The following CLIC3 variants were observed in gnomAD, a reference collection of about 807,000 sequenced individuals.
CLIC3 encodes CLIC family member 3.
Under a neutral mutation model 19.9 loss-of-function variants are expected in CLIC3, and 29 were observed. The ratio of observed to expected loss-of-function variants is 1.46; its 90% CI spans 1.09 to 1.99. The LOEUF (loss-of-function observed/expected upper bound fraction) is 1.99, where lower values mean the gene tolerates loss of function less well. Ranked by LOEUF, CLIC3 falls within the 30% of genes most tolerant of loss-of-function variation. The pLI is 0.00. For missense variants in CLIC3, 365 were observed against 342.6 expected, an observed-to-expected ratio of 1.07 and a Z score of -0.52; for synonymous variants, 143 against 156.4, an observed-to-expected ratio of 0.91 and a Z score of 0.64.
rs749865066 is a variant in CLIC3 at position 136,995,037 on chromosome 9, C to T, written c.445G>A (p.Glu149Lys). Residue 149 changes from glutamate to lysine, a missense_variant, in exon 5 of 6, where the codon GAG (glutamate) becomes AAG (lysine). By Grantham distance (56) the Glu-to-Lys change is moderately conservative (BLOSUM62 1). Transcript: ENST00000494426. ...DSYLRAPLEH[E>K]LAGEPQLRES... ...CGCAGCTGCGGCTCCCCCGCCAGCT[C>T]GTGCTCCAGGGGCGCGCGCAGGTAG... 2.6e-6 allele frequency: 4 copies of T among 1,512,232 alleles called. No homozygotes were observed. Among genetic ancestry groups the T allele is most frequent in the Non-Finnish European group, 3.5e-6 (4 of 1,134,238 alleles). The allele number at this position is 1,512,232 out of a possible 1,614,324, so 93.7% of individuals were successfully genotyped here.
rs1212182729 is a variant in CLIC3 at position 136,995,112 on chromosome 9, G to T, written c.377-7C>A. ...AGCAGCTGCTGGTACAGGGCTAGGG[G>T]GCAGGCGGCGCGGTGAGGACCAGGC... On this transcript the variant is annotated splice_polypyrimidine_tract_variant and splice_region_variant and intron_variant, in intron 4 of 5. Coordinates refer to ENST00000494426, the MANE Select transcript of CLIC3 (RefSeq NM_004669.3). 1.0e-5 allele frequency: 16 copies of T among 1,561,602 alleles called. No homozygotes were observed. The highest frequency in any genetic ancestry group is 1.4e-5 in the Non-Finnish European group (16 of 1,153,834).
chr9:136,994,862 C>T (rs768481356), intron 5 of CLIC3, 23 bp from the exon 6 acceptor site: 7 of 1,514,356 alleles, frequency 4.6e-6, no homozygotes, highest in Non-Finnish European at 6.2e-6. Context: ...TCGCGGGGCG[C>T]GGTCAGGACC....
Position 136,995,312 on chromosome 9 carries a change from G to A in CLIC3, c.270-20C>T, listed in dbSNP as rs759115369. 13 of 1,608,772 alleles carry A rather than the reference G, an allele frequency of 8.1e-6. No individual in the cohort carries two copies. Among genetic ancestry groups the A allele is most frequent in the Admixed American group, 6.7e-5 (4 of 59,972 alleles). On this transcript the variant is annotated intron_variant, in intron 3 of 5. Coordinates refer to ENST00000494426, the MANE Select transcript of CLIC3 (RefSeq NM_004669.3). ...GGGAAGCTGCGGGATGAGGGGGTGG[G>A]ACTCCATTAGACTGGGGGCAGCCCC...
intron 1 of CLIC3, 57 bp from the exon 2 acceptor site, chr9:136,995,814 G>T: frequency 8.1e-7 from 1 of 1,231,518 alleles, no homozygotes; most frequent in Non-Finnish European, 1.1e-6. Context: ...CAGGCATCCT[G>T]CCGCCAGGCT....
rs560125561 is a variant in CLIC3 at position 136,996,501 on chromosome 9, C to T, written c.33+10G>A. The T allele has an allele frequency of 7.3e-5, 113 of 1,554,404 alleles. No homozygotes were observed. The highest frequency in any genetic ancestry group is 2.3e-4 in the Admixed American group (12 of 51,334). ...CAGACACCCTCCCCGCAGCTGAGTC[C>T]GCCCTGCACCTTGACAAACAGCTGG... is the stretch of plus-strand genomic sequence containing the variant. On this transcript the variant is annotated intron_variant, in intron 1 of 5. Transcript: ENST00000494426.
chr9:136,995,388 C>T (rs1394985360), intron 3 of CLIC3, 54 bp downstream of exon 3: 9 of 1,610,148 alleles, frequency 5.6e-6, no homozygotes, highest in African/African-American at 2.7e-5. Flanking sequence ...CTGTCTTGCG[C>T]GCGTCCTCCC....
Position 136,995,031 on chromosome 9 carries a change from C to T in CLIC3, c.451G>A (p.Ala151Thr), listed in dbSNP as rs2131410074. The part of the protein sequence containing the change: ...YLRAPLEHEL[A>T]GEPQLRESRR... Reference sequence around the variant, plus strand: ...GACTCGCGCAGCTGCGGCTCCCCCGCCAGCTCGTGCTCCAGGGGCGCGCGC... The same window carrying T: ...GACTCGCGCAGCTGCGGCTCCCCCGTCAGCTCGTGCTCCAGGGGCGCGCGC... The change falls in exon 5 of 6, where the codon GCG (alanine) becomes ACG (threonine). Residue 151 changes from alanine to threonine, a missense_variant. Physicochemically the swap from Ala to Thr is moderately conservative, Grantham distance 58. Coordinates refer to ENST00000494426, the MANE Select transcript of CLIC3 (RefSeq NM_004669.3). The T allele has an allele frequency of 6.6e-7, 1 of 1,510,110 alleles. No individual in the cohort carries two copies. Among genetic ancestry groups the T allele is most frequent in the African/African-American group, 1.4e-5 (1 of 70,740 alleles). The allele number at this position is 1,510,110 out of a possible 1,614,324, so 93.5% of individuals were successfully genotyped here.
chr9:136,995,337 C>T (rs780316097), intron 3 of CLIC3, 45 bp from the exon 4 acceptor site: 96 of 1,607,944 alleles, frequency 6.0e-5, no homozygotes, highest in Middle Eastern at 5.0e-4. Flanking sequence ...GGGGCAGCCC[C>T]GTCCCGGCCC....
intron 3 of CLIC3, 69 bp from the exon 4 acceptor site, chr9:136,995,361 C>A: frequency 6.2e-7 from 1 of 1,609,884 alleles, no homozygotes; most frequent in Non-Finnish European, 8.5e-7. Context: ...AGTACCCCCA[C>A]AGCGCCTTCC....
intron 1 of CLIC3, among the ~76,000 whole-genome samples, chr9:136,996,174 G>T (rs113315000): frequency 0.015 from 2,222 of 152,260 alleles, 57 homozygotes; most frequent in African/African-American, 0.051. Flanking sequence ...TGATGGGGCT[G>T]CCTGGCCCAG....
rs1830693546 is a variant in CLIC3 at position 136,995,666 on chromosome 9, G to T, written c.125C>A (p.Thr42Asn). 1 of 1,610,986 alleles carries T rather than the reference G, an allele frequency of 6.2e-7. No individual in the cohort carries two copies. The highest frequency in any genetic ancestry group is 1.1e-5 in the South Asian group (1 of 90,872). The change falls in exon 2 of 6, where the codon ACC (threonine) becomes AAC (asparagine). Residue 42 changes from threonine (T) to asparagine (N), a missense_variant. By Grantham distance (65) the Thr-to-Asn change is moderately conservative. Coordinates refer to ENST00000494426, the MANE Select transcript of CLIC3 (RefSeq NM_004669.3). ...GCCTCACCTGCGCGTGTCCACCGTG[G>T]TGAGGGTGAAAGGTACGCCCTTGAG... ...LLLKGVPFTL[T>N]TVDTRRSPDV...
chr9:136,994,614 C>T lies in CLIC3; in HGVS notation c.*67G>A. The T allele has an allele frequency of 6.6e-7, 1 of 1,518,368 alleles. No homozygotes were observed. 94.1% of individuals were successfully genotyped at this position (1,518,368 alleles called of 1,614,324 possible). On this transcript the variant is annotated 3_prime_UTR_variant, in exon 6 of 6. Coordinates refer to ENST00000494426, the MANE Select transcript of CLIC3 (RefSeq NM_004669.3). ...AGTGATCCCGAGACCTCTGGCCCTT[C>T]AGATGTCAGGACACCCTCACTCCCG...
chr9:136,994,773 C>T lies in CLIC3; in HGVS notation c.619G>A (p.Asp207Asn), dbSNP rs1564202830. ...AELRGVRRYL[D>N]SAMQEKEFKY... ...AACTCTTTCTCCTGCATCGCGCTGTCCAGGTAGCGGCGTACGCCGCGCAGC... is the reference window on the plus strand; with the variant it reads ...AACTCTTTCTCCTGCATCGCGCTGTTCAGGTAGCGGCGTACGCCGCGCAGC... Residue 207 changes from aspartate (D) to asparagine (N), a missense_variant, in exon 6 of 6, where the codon GAC (aspartate) becomes AAC (asparagine). Transcript: ENST00000494426. 1 of 1,600,456 alleles carries T rather than the reference C, an allele frequency of 6.2e-7. No individual in the cohort carries two copies. The highest frequency in any genetic ancestry group is 8.5e-7 in the Non-Finnish European group (1 of 1,174,308).
rs565889561 is a variant in CLIC3 at position 136,994,649 on chromosome 9, C to T, written c.*32G>A. 4 of 1,591,350 alleles carry T rather than the reference C, an allele frequency of 2.5e-6. No individual in the cohort carries two copies. In the African/African-American group the frequency reaches 4.0e-5, roughly 16 times the overall value. The stretch of plus-strand genomic sequence containing the variant: ...GACACCCTCACTCCCGACAAAGATG[C>T]CTTTATTGGGCGACAGACGCGGGGT... On this transcript the variant is annotated 3_prime_UTR_variant, in exon 6 of 6. Coordinates refer to ENST00000494426, the MANE Select transcript of CLIC3 (RefSeq NM_004669.3).
rs375039427 is a variant in CLIC3, at chr9:136,994,788, C to A, written c.604G>T (p.Val202Leu). 3.2e-4 allele frequency: 504 copies of A among 1,594,104 alleles called. No homozygotes were observed. The highest frequency in any genetic ancestry group is 4.1e-4 in the Non-Finnish European group (480 of 1,171,062). The stretch of plus-strand genomic sequence containing the variant: ...ATCGCGCTGTCCAGGTAGCGGCGTA[C>A]GCCGCGCAGCTCCGCGGGGATGGGC... ...QAPIPAELRG[V>L]RRYLDSAMQE... Residue 202 changes from valine (V) to leucine (L), a missense_variant, in exon 6 of 6, where the codon GTA (valine) becomes TTA (leucine). By Grantham distance (32) the Val-to-Leu change is conservative. Transcript: ENST00000494426.
rs753537309 is a variant in CLIC3, at chr9:136,995,207, G to A, written c.355C>T (p.Pro119Ser). The A allele has an allele frequency of 6.8e-6, 11 of 1,612,690 alleles. No individual in the cohort carries two copies. The highest frequency in any genetic ancestry group is 4.4e-5 in the South Asian group (4 of 91,074). The change falls in exon 4 of 6, where the codon CCG becomes TCG. Residue 119 changes from proline to serine, a missense_variant. Physicochemically the swap from Pro to Ser is moderately conservative, Grantham distance 74. Transcript: ENST00000494426. ...FHKFSAFIKNPVPAQDEALYQ... is the reference protein window; with the variant it reads ...FHKFSAFIKNSVPAQDEALYQ... ...TCACCTTCGTCCTGCGCGGGCACCG[G>A]GTTCTTGATGAACGCGGAGAACTTG...
At chr9:136,994,897 T>TCCGC in intron 5 of CLIC3, 33 bp downstream of exon 5, 4 of 1,471,204 alleles carry the variant, frequency 2.7e-6, no homozygotes, top group Non-Finnish European at 3.6e-6. Context: ...CGCGCCGCGG[T>TCCGC]CACCCTCCCG....
chr9:136,996,452 A>G, intron 1 of CLIC3, 59 bp downstream of exon 1: 1 of 1,487,226 alleles, frequency 6.7e-7, no homozygotes. Context: ...CACAGAAAGC[A>G]AAGCCCAGAA....
Position 136,994,609 on chromosome 9 carries a change from C to T in CLIC3, c.*72G>A. On this transcript the variant is annotated 3_prime_UTR_variant, in exon 6 of 6. Transcript: ENST00000494426. ...TGGGAAGTGATCCCGAGACCTCTGGCCCTTCAGATGTCAGGACACCCTCAC... is the reference window on the plus strand; with the variant it reads ...TGGGAAGTGATCCCGAGACCTCTGGTCCTTCAGATGTCAGGACACCCTCAC... The T allele has an allele frequency of 6.7e-7, 1 of 1,492,602 alleles. No homozygotes were observed. Among genetic ancestry groups the T allele is most frequent in the Non-Finnish European group, 9.0e-7 (1 of 1,105,116 alleles). 92.5% of individuals were successfully genotyped at this position (1,492,602 alleles called of 1,614,324 possible).
Sources: allele counts gnomAD v4.1 joint callset (sites outside exome capture counted in the v4.1 genomes callset), GRCh38; gene constraint gnomAD v4.1.1; transcripts MANE v1.5; gene names NCBI Gene and HGNC (gene_info 2026-07-23, HGNC 2026-07-21).